The following RUBCN variants were observed in gnomAD, a reference collection of about 807,000 sequenced individuals.
RUBCN encodes the protein rubicon autophagy regulator, also known as run domain Beclin-1-interacting and cysteine-rich domain-containing protein.
A neutral mutation model predicts 113.2 loss-of-function variants in RUBCN; 74 were observed. The observed-to-expected ratio is 0.65, with a 90% CI of 0.54 to 0.79. The LOEUF is 0.79. RUBCN is among the 30% of genes least tolerant of loss of function. The pLI is 0.00. For synonymous variants in RUBCN, 480 were observed against 490.0 expected (o/e 0.98, Z 0.27); for missense variants, 1,109 against 1,251.7 (o/e 0.89, Z 1.72).
chr3:197,684,937 T>G (rs2108859583), intron 11 of RUBCN, among the ~76,000 whole-genome samples: 1 of 152,294 alleles, frequency 6.6e-6, no homozygotes, highest in African/African-American at 2.4e-5. Context: ...TACCCCTGAA[T>G]GTTAGAAGTC....
chr3:197,678,953 G>A (rs1196897144), intron 16 of RUBCN, among the ~76,000 whole-genome samples: 2 of 148,956 alleles, frequency 1.3e-5, no homozygotes, highest in Non-Finnish European at 3.0e-5. Flanking sequence ...GCTCCAGACT[G>A]TCGTATGCTC....
rs1332206608 is a variant in RUBCN at position 197,735,983 on chromosome 3, T to C, written c.65+672A>G. Among the ~76,000 whole-genome samples, 3 of 152,308 alleles carry C rather than the reference T, an allele frequency of 2.0e-5. No individual in the cohort carries two copies. In the East Asian group the frequency reaches 5.8e-4, roughly 29 times the overall value. ...TAAATAAATGTGAACTTGCTTAGTT[T>C]GCATTGTGAGGAAAAAGGGACAGGT... is the stretch of plus-strand genomic sequence containing the variant. On this transcript the variant is annotated intron_variant, in intron 1 of 19. Coordinates refer to ENST00000296343, the MANE Select transcript of RUBCN (RefSeq NM_014687.4).
In RUBCN at chr3:197,736,896, C is replaced by T; in HGVS notation, c.-177G>A. ...CCGCCGCCTGGGCTGCGGCTTCTAT[C>T]CCGGCCACCCCCACTTCCGGCTCCG... On this transcript the variant is annotated 5_prime_UTR_variant, in exon 1 of 20. Coordinates refer to ENST00000296343, the MANE Select transcript of RUBCN (RefSeq NM_014687.4). The T allele has an allele frequency of 7.3e-7, 1 of 1,364,484 alleles. No individual in the cohort carries two copies. The allele number at this position is 1,364,484 out of a possible 1,614,324, so 84.5% of individuals were successfully genotyped here.
intron 7 of RUBCN, 37 bp from the exon 8 acceptor site, chr3:197,697,086 C>T (rs367979070): frequency 1.7e-5 from 17 of 1,024,368 alleles, no homozygotes; most frequent in South Asian, 3.8e-5. Flanking sequence ...AAAACACATA[C>T]GAAATGAGCA....
intron 1 of RUBCN, among the ~76,000 whole-genome samples, chr3:197,729,413 C>T (rs955170365): frequency 9.2e-5 from 14 of 152,012 alleles, no homozygotes; most frequent in African/African-American, 2.2e-4. Context: ...CCACCACGCC[C>T]GGCTAATTTT....
rs779309816 is a variant in RUBCN, at chr3:197,682,665, G to A, written c.1981-50C>T. On this transcript the variant is annotated intron_variant, in intron 13 of 19. Transcript: ENST00000296343. ...GTAAGCTCGTGTCAGTGTGCTGCCC[G>A]TCATCTGGTGAGATGGGCAGTGAGT... 68 of 1,601,076 alleles carry A rather than the reference G, an allele frequency of 4.2e-5. No homozygotes were observed. In the East Asian group the frequency reaches 6.5e-4, roughly 15 times the overall value.
At chr3:197,724,198 A>G (rs890971478) in intron 1 of RUBCN, among the ~76,000 whole-genome samples, 1 of 152,216 alleles carries the variant, frequency 6.6e-6, no homozygotes, top group Non-Finnish European at 1.5e-5. Flanking sequence ...CCAAATAAGT[A>G]TATCTGGGGA....
chr3:197,742,140 C>T (rs1457362355), intron 1 of RUBCN, among the ~76,000 whole-genome samples: 1 of 151,832 alleles, frequency 6.6e-6, no homozygotes, highest in Non-Finnish European at 1.5e-5. Flanking sequence ...CATGATCTGC[C>T]CACCTCGGCC....
At chr3:197,712,861 C>CTT (rs10662950) in intron 2 of RUBCN, among the ~76,000 whole-genome samples, 16,585 of 146,786 alleles carry the variant, frequency 0.11, 1,145 homozygotes, top group African/African-American at 0.18. Context: ...GATATTATCA[C>CTT]TTTTTTTTTT....
rs755171043 is a variant in RUBCN, at chr3:197,701,770, G to A, written c.665C>T (p.Ala222Val). ...GAAGGACCCAAAGTAGGAATGCTGA[G>A]CATAGCTGTTTGGAGGGGTGTATGT... is the stretch of plus-strand genomic sequence containing the variant. ...SSTYTPPNSY[A>V]QHSYFGSFSS... The change falls in exon 6 of 20, where the codon GCT becomes GTT. Residue 222 changes from alanine to valine, a missense_variant. Physicochemically the swap from Ala to Val is moderately conservative, Grantham distance 64 (BLOSUM62 0). Around this residue, in one of 3 missense-constraint regions of RUBCN, gnomAD observed 736 missense variants for 779.6 expected, o/e 0.94. Coordinates refer to ENST00000296343, the MANE Select transcript of RUBCN (RefSeq NM_014687.4). 1 of 1,614,102 alleles carries A rather than the reference G, an allele frequency of 6.2e-7. No homozygotes were observed. The highest frequency in any genetic ancestry group is 1.1e-5 in the South Asian group (1 of 91,090).
At chr3:197,694,663 G>C in intron 9 of RUBCN, 78 bp from the exon 10 acceptor site, 1 of 1,308,938 alleles carries the variant, frequency 7.6e-7, no homozygotes, top group Non-Finnish European at 1.1e-6. Context: ...GGAAAAGGGA[G>C]TTTCCAAGAT....
In RUBCN at chr3:197,683,554, A is replaced by G; in HGVS notation, c.1848-115T>C. On this transcript the variant is annotated intron_variant, in intron 12 of 19. Coordinates refer to ENST00000296343, the MANE Select transcript of RUBCN (RefSeq NM_014687.4). The surrounding 1 kb of genome is among the most constrained non-coding windows in gnomAD (Gnocchi z 4.6). ...ACTTCTGGGCTGGAAGAACACCCGC[A>G]GCACCCTGGCCTGCTCATCACCCTC... 5.2e-6 allele frequency: 6 copies of G among 1,161,508 alleles called. No homozygotes were observed. The highest frequency in any genetic ancestry group is 1.5e-5 in the African/African-American group (1 of 65,960). The allele number at this position is 1,161,508 out of a possible 1,614,324, so 72.0% of individuals were successfully genotyped here. A position where few individuals can be genotyped will look rare whatever the true frequency, so the allele number is the denominator to read the frequency against.
At chr3:197,722,137 G>C (rs1363788167) in intron 1 of RUBCN, among the ~76,000 whole-genome samples, 1 of 152,070 alleles carries the variant, frequency 6.6e-6, no homozygotes, top group East Asian at 1.9e-4. Context: ...CAGCTACACA[G>C]GAGGCTGAGG....
Position 197,681,246 on chromosome 3 carries a change from G to A in RUBCN, c.2313C>T (p.Tyr771=), listed in dbSNP as rs1721201956. Residue 771 remains tyrosine, a synonymous_variant, in exon 16 of 20, where the codon TAC becomes TAT. Coordinates refer to ENST00000296343, the MANE Select transcript of RUBCN (RefSeq NM_014687.4). The surrounding 1 kb of genome is among the most constrained non-coding windows in gnomAD (Gnocchi z 5.5). ...RVLRKWDFSK[Y]YVSNFSKDLL... ...GGTCCTTGGAGAAGTTGCTGACGTA[G>A]TACTTGCTGAAGTCCCACTTGCGCA... The A allele has an allele frequency of 6.2e-7, 1 of 1,614,132 alleles. No homozygotes were observed. Among genetic ancestry groups the A allele is most frequent in the Non-Finnish European group, 8.5e-7 (1 of 1,179,974 alleles).
chr3:197,710,461 A>G (rs986137334), intron 2 of RUBCN, among the ~76,000 whole-genome samples: 1 of 151,510 alleles, frequency 6.6e-6, no homozygotes, highest in Non-Finnish European at 1.5e-5. Context: ...TTAGCTGGGC[A>G]TGGTGGCACA....
intron 2 of RUBCN, among the ~76,000 whole-genome samples, chr3:197,706,129 T>G (rs532973962): frequency 6.6e-6 from 1 of 152,314 alleles, no homozygotes; most frequent in South Asian, 2.1e-4. Context: ...CTGGATGTCT[T>G]TAGCCCCTAC....
chr3:197,726,391 T>C (rs1296462937), intron 1 of RUBCN, among the ~76,000 whole-genome samples: 6 of 148,276 alleles, frequency 4.0e-5, no homozygotes, highest in Admixed American at 6.8e-5. Flanking sequence ...GGACTACAGG[T>C]GCCCGCCACC....
chr3:197,672,004 T>C lies in RUBCN; in HGVS notation c.*3014A>G, dbSNP rs571550058. 22 of 152,330 alleles carry C rather than the reference T, an allele frequency of 1.4e-4. No individual in the cohort carries two copies. Among genetic ancestry groups the C allele is most frequent in the African/African-American group, 5.3e-4 (22 of 41,570 alleles). 9.4% of individuals were successfully genotyped at this position (152,330 alleles called of 1,614,324 possible). The stretch of plus-strand genomic sequence containing the variant: ...CAGGCTGACGAAAGACAGAATTTTA[T>C]TTCCTTAGTTTATTAAAGATGACAA... On this transcript the variant is annotated 3_prime_UTR_variant, in exon 20 of 20. Transcript: ENST00000296343.
At chr3:197,676,329 GCCTTTTTTTTTTCCA>G (rs1720413069) in intron 18 of RUBCN, 1 of 1,000,592 alleles carries the variant, frequency 1.0e-6, no homozygotes, top group Admixed American at 5.3e-5. Flanking sequence ...CATGACAACT[GCCTTTTTTTTTTCCA>G]CTCTTGTCGC....
Sources: allele counts gnomAD v4.1 joint callset (sites outside exome capture counted in the v4.1 genomes callset), GRCh38; gene constraint gnomAD v4.1.1; regional missense constraint gnomAD v4.1.1; non-coding constraint Gnocchi (gnomAD v3.1); transcripts MANE v1.5; gene names NCBI Gene and HGNC (gene_info 2026-07-23, HGNC 2026-07-21).